Variants in DIAPH2 observed in about 807,000 individuals in gnomAD.
DIAPH2 encodes diaphanous related formin 2, also known as protein diaphanous homolog 2.
DIAPH2 carries 35 observed loss-of-function variants against 92.7 expected under a neutral mutation model. The observed-to-expected ratio is 0.38, with a 90% confidence interval of 0.29 to 0.50. The LOEUF (loss-of-function observed/expected upper bound fraction) is 0.50. Among genes scored for constraint, DIAPH2 ranks in the 20% least tolerant of loss-of-function variants. DIAPH2 has a pLI of 0.94. For missense variants in DIAPH2, 701 were observed against 819.5 expected, an observed-to-expected ratio of 0.86 and a Z score of 1.77; for synonymous variants, 301 against 280.4, an observed-to-expected ratio of 1.07 and a Z score of -0.73.
At chrX:97,299,187 A>G (rs757788669) in intron 23 of DIAPH2, among the ~76,000 whole-genome samples, 1 of 112,259 alleles carries the variant, frequency 8.9e-6, no homozygotes, top group East Asian at 2.8e-4. Context: ...ACAAAGACAT[A>G]AAGAGTACAG....
intron 13 of DIAPH2, among the ~76,000 whole-genome samples, chrX:96,943,297 A>G (rs763739013): frequency 9.0e-6 from 1 of 111,432 alleles, no homozygotes; most frequent in South Asian, 3.7e-4. Context: ...TTTCACAGTT[A>G]TAAATGAATG....
At chrX:96,700,000 G>A (rs931987934) in intron 1 of DIAPH2, among the ~76,000 whole-genome samples, 1 of 111,356 alleles carries the variant, frequency 9.0e-6, no homozygotes, top group African/African-American at 3.3e-5. Context: ...TCATCTATAT[G>A]AATTTTATTT....
At chrX:97,252,545 T>G (rs1432524814) in intron 23 of DIAPH2, among the ~76,000 whole-genome samples, 2 of 111,699 alleles carry the variant, frequency 1.8e-5, no homozygotes, top group Non-Finnish European at 3.8e-5. Flanking sequence ...AGATAATAAT[T>G]TTTAAGTAGA....
At chrX:97,588,996 AATATATATATATATATATAT>A (rs199558439) in intron 26 of DIAPH2, among the ~76,000 whole-genome samples, 2 of 31,710 alleles carry the variant, frequency 6.3e-5, no homozygotes, top group Middle Eastern at 0.045. Context: ...ATATTATAGA[AATATATATATATATATATAT>A]ATATATATAT....
chrX:96,878,990 TC>T (rs1211180775), intron 4 of DIAPH2, among the ~76,000 whole-genome samples: 1 of 111,658 alleles, frequency 9.0e-6, no homozygotes, highest in Non-Finnish European at 1.9e-5. Context: ...TCTCTATCCA[TC>T]CATCCACCCA....
At chrX:96,969,251 T>C (rs905414106) in intron 17 of DIAPH2, among the ~76,000 whole-genome samples, 8 of 111,930 alleles carry the variant, frequency 7.1e-5, no homozygotes, top group African/African-American at 2.6e-4. Context: ...GTTTTTTTTT[T>C]CTAAGCCTGT....
intron 26 of DIAPH2, among the ~76,000 whole-genome samples, chrX:97,503,163 C>G (rs1175287904): frequency 8.9e-6 from 1 of 111,978 alleles, no homozygotes; most frequent in East Asian, 2.8e-4. Context: ...TGAACTGTTA[C>G]TAAGTTCCAG....
At chrX:97,557,191 G>A (rs192508851) in intron 26 of DIAPH2, among the ~76,000 whole-genome samples, 192 of 111,889 alleles carry the variant, frequency 1.7e-3, no homozygotes, top group African/African-American at 6.0e-3. Flanking sequence ...ACATAGAAGA[G>A]AATAAACAGG....
At chrX:97,436,164 TATAG>T (rs2070184654) in intron 26 of DIAPH2, among the ~76,000 whole-genome samples, 1 of 111,957 alleles carries the variant, frequency 8.9e-6, no homozygotes, top group Non-Finnish European at 1.9e-5. Context: ...GCCAAATAGC[TATAG>T]ATACTTAGAG....
chrX:96,734,350 G>A (rs756991106), intron 1 of DIAPH2, among the ~76,000 whole-genome samples: 19 of 111,827 alleles, frequency 1.7e-4, no homozygotes, highest in Non-Finnish European at 3.0e-4. Context: ...GTGGACAAGC[G>A]CACATAGGGA....
chrX:97,573,723 C>T (rs760393414), intron 26 of DIAPH2, among the ~76,000 whole-genome samples: 4 of 103,625 alleles, frequency 3.9e-5, no homozygotes, highest in Non-Finnish European at 7.8e-5. Context: ...TGCAATGGTG[C>T]GATCTTGGCT....
intron 25 of DIAPH2, among the ~76,000 whole-genome samples, chrX:97,396,652 AAATT>A (rs1446709117): frequency 9.0e-6 from 1 of 111,725 alleles, no homozygotes; most frequent in African/African-American, 3.3e-5. Flanking sequence ...ATAAATAAAT[AAATT>A]CCGTTGTTAC....
At chrX:97,287,669 T>G (rs2068553898) in intron 23 of DIAPH2, among the ~76,000 whole-genome samples, 1 of 107,335 alleles carries the variant, frequency 9.3e-6, no homozygotes, top group Non-Finnish European at 1.9e-5. Flanking sequence ...AGCTCTTGTC[T>G]TTTGAAGTTG....
At chrX:96,783,014 A>C (rs1287126471) in intron 4 of DIAPH2, among the ~76,000 whole-genome samples, 1 of 112,280 alleles carries the variant, frequency 8.9e-6, no homozygotes, top group Non-Finnish European at 1.9e-5. Context: ...TTTCTCCACA[A>C]GGGATTATTC....
intron 26 of DIAPH2, among the ~76,000 whole-genome samples, chrX:97,573,458 T>G (rs188358688): frequency 8.7e-4 from 97 of 111,115 alleles, no homozygotes; most frequent in Admixed American, 4.2e-3. Flanking sequence ...TCTTACCATT[T>G]AGGGTTAATA....
chrX:97,278,765 G>T (rs759760574), intron 23 of DIAPH2, among the ~76,000 whole-genome samples: 11 of 112,176 alleles, frequency 9.8e-5, no homozygotes, highest in African/African-American at 3.6e-4. Flanking sequence ...TCTGGCACAG[G>T]TTGCAGCATA....
intron 5 of DIAPH2, among the ~76,000 whole-genome samples, chrX:96,892,160 TAGAA>T (rs2065311700): frequency 9.0e-6 from 1 of 111,587 alleles, no homozygotes; most frequent in South Asian, 3.7e-4. Context: ...CAACAGTACT[TAGAA>T]AGTTAATATA....
intron 9 of DIAPH2, among the ~76,000 whole-genome samples, chrX:96,926,062 A>G (rs943016413): frequency 9.0e-6 from 1 of 111,669 alleles, no homozygotes; most frequent in Non-Finnish European, 1.9e-5. Context: ...GTGTCAATAA[A>G]ATTTTAAATG....
At chrX:97,250,734 C>T (rs947012698) in intron 23 of DIAPH2, among the ~76,000 whole-genome samples, 1 of 111,627 alleles carries the variant, frequency 9.0e-6, no homozygotes, top group African/African-American at 3.3e-5. Flanking sequence ...CAGTGAAGAT[C>T]ATCTAGTCCA....
Sources: allele counts gnomAD v4.1 joint callset (sites outside exome capture counted in the v4.1 genomes callset), GRCh38; gene constraint gnomAD v4.1.1; transcripts MANE v1.5; gene names NCBI Gene and HGNC (gene_info 2026-07-23, HGNC 2026-07-21).